The following ZNF292 variants were observed in gnomAD, a reference collection of about 807,000 sequenced individuals.
The protein encoded by ZNF292 is 16 zinc-finger domain protein.
A neutral mutation model predicts 217.9 loss-of-function variants in ZNF292; 26 were observed. That is an observed-to-expected ratio of 0.12 (90% CI 0.09 to 0.17). ZNF292 has a LOEUF of 0.17. Among genes scored for constraint, ZNF292 ranks in the 10% least tolerant of loss-of-function variants. The probability of loss-of-function intolerance (pLI) is 1.00; values close to 1 mark genes in which losing one functional copy is unlikely to be tolerated. For missense variants in ZNF292, 2,904 were observed against 3,175.2 expected (o/e 0.91, Z 2.05); for synonymous variants, 1,257 against 1,124.1 (o/e 1.12, Z -2.37).
chr6:87,201,601 TC>T lies in ZNF292; in HGVS notation c.169-14300del, dbSNP rs564351298. ...TGTATTTTAGTAGAGACGAGGTTTC[TC>T]CATGTTGGTCAGGCTGGTCTTGAAC... On this transcript the variant is annotated intron_variant, in intron 1 of 7. Coordinates refer to ENST00000369577, the MANE Select transcript of ZNF292 (RefSeq NM_015021.3). Among the ~76,000 whole-genome samples, 574 of 152,162 alleles carry T rather than the reference TC, an allele frequency of 3.8e-3. 2 individuals carry two copies. The highest frequency in any genetic ancestry group is 0.02 in the Middle Eastern group (6 of 294).
intron 6 of ZNF292, among the ~76,000 whole-genome samples, chr6:87,243,955 G>T (rs1774438829): frequency 6.6e-6 from 1 of 152,132 alleles, no homozygotes. Context: ...TACATTTTCA[G>T]TTGGGCATAG....
Position 87,256,336 on chromosome 6 carries a change from G to A in ZNF292, c.2707G>A (p.Asp903Asn), listed in dbSNP as rs1446413158. 6 of 1,612,446 alleles carry A rather than the reference G, an allele frequency of 3.7e-6. No homozygotes were observed. Among genetic ancestry groups the A allele is most frequent in the Admixed American group, 1.7e-5 (1 of 59,984 alleles). ...SKAESAVTKQ[D>N]QISASELRQA... ...AGCAGAATCAGCTGTGACCAAACAA[G>A]ACCAGATTTCTGCCTCTGAGCTCAG... Residue 903 changes from aspartate to asparagine, a missense_variant, in exon 8 of 8, where the codon GAC (aspartate) becomes AAC (asparagine). Transcript: ENST00000369577.
chr6:87,157,237 G>T (rs1770572641), intron 1 of ZNF292, among the ~76,000 whole-genome samples: 1 of 152,192 alleles, frequency 6.6e-6, no homozygotes, highest in South Asian at 2.1e-4. Flanking sequence ...CAATGTGAAA[G>T]CTCCCTACTT....
chr6:87,185,112 C>G (rs756050787), intron 1 of ZNF292, among the ~76,000 whole-genome samples: 6 of 152,138 alleles, frequency 3.9e-5, no homozygotes, highest in Non-Finnish European at 8.8e-5. Context: ...AAATTAAGTC[C>G]ATAAGTCTAC....
At chr6:87,172,201 T>C (rs1771122451) in intron 1 of ZNF292, among the ~76,000 whole-genome samples, 1 of 152,202 alleles carries the variant, frequency 6.6e-6, no homozygotes, top group Non-Finnish European at 1.5e-5. Flanking sequence ...TGAACAGCTG[T>C]TTTTCTCTTT....
At chr6:87,225,997 C>T (rs1341731151) in intron 4 of ZNF292, among the ~76,000 whole-genome samples, 1 of 152,134 alleles carries the variant, frequency 6.6e-6, no homozygotes, top group Non-Finnish European at 1.5e-5. Context: ...GTGTCTGACA[C>T]TCATGGTGCA....
intron 1 of ZNF292, among the ~76,000 whole-genome samples, chr6:87,183,807 C>T (rs1239642373): frequency 6.6e-6 from 1 of 152,124 alleles, no homozygotes; most frequent in Non-Finnish European, 1.5e-5. Context: ...AAATACATAT[C>T]ACTATGGTTG....
chr6:87,252,433 C>G (rs1030753426), intron 7 of ZNF292, among the ~76,000 whole-genome samples: 5 of 152,064 alleles, frequency 3.3e-5, no homozygotes, highest in Non-Finnish European at 7.4e-5. Context: ...GATTAACAGG[C>G]GTGAGCCACC....
intron 1 of ZNF292, among the ~76,000 whole-genome samples, chr6:87,177,293 C>G (rs1208603423): frequency 6.6e-6 from 1 of 151,208 alleles, no homozygotes; most frequent in Non-Finnish European, 1.5e-5. Flanking sequence ...CACCACTGTA[C>G]TCCAGCCTGG....
chr6:87,255,101 A>T lies in ZNF292; in HGVS notation c.1472A>T (p.Glu491Val). 6.2e-7 allele frequency: 1 copy of T among 1,613,684 alleles called. No homozygotes were observed. Among genetic ancestry groups the T allele is most frequent in the East Asian group, 2.2e-5 (1 of 44,872 alleles). Residue 491 changes from glutamate to valine, a missense_variant, in exon 8 of 8, where the codon GAA (glutamate) becomes GTA (valine). Physicochemically the swap from Glu to Val is moderately radical, Grantham distance 121. Coordinates refer to ENST00000369577, the MANE Select transcript of ZNF292 (RefSeq NM_015021.3). ...GTAGACTACCAAGAAGAGAGTAAAG[A>T]AACTTCTATGAATGGGCTTTCTGGT... ...KVVDYQEESK[E>V]TSMNGLSGGV...
intron 1 of ZNF292, among the ~76,000 whole-genome samples, chr6:87,156,584 C>T (rs975587572): frequency 6.6e-6 from 1 of 152,218 alleles, no homozygotes; most frequent in African/African-American, 2.4e-5. Context: ...CCGATCACCC[C>T]CTCACCCCTG....
chr6:87,240,995 T>C (rs73485820), intron 5 of ZNF292, among the ~76,000 whole-genome samples: 12,456 of 152,216 alleles, frequency 0.082, 867 homozygotes, highest in African/African-American at 0.19. Context: ...AAAAGAAGTA[T>C]TAGCATTGGC....
At chr6:87,191,354 G>C (rs1329928111) in intron 1 of ZNF292, among the ~76,000 whole-genome samples, 1 of 152,072 alleles carries the variant, frequency 6.6e-6, no homozygotes, top group Non-Finnish European at 1.5e-5. Flanking sequence ...GCCACATTCA[G>C]AGTCATCCTA....
chr6:87,252,404 C>T (rs1316693251), intron 7 of ZNF292, among the ~76,000 whole-genome samples: 1 of 152,148 alleles, frequency 6.6e-6, no homozygotes, highest in East Asian at 1.9e-4. Context: ...CCACCTGCCT[C>T]AGCCTCCCAA....
chr6:87,222,479 T>C (rs1191244415), intron 4 of ZNF292, among the ~76,000 whole-genome samples: 1 of 152,182 alleles, frequency 6.6e-6, no homozygotes, highest in African/African-American at 2.4e-5. Context: ...TCCTTGTTTT[T>C]GACAAATGTT....
rs1219727160 is a variant in ZNF292, at chr6:87,254,952, C to T, written c.1323C>T (p.Pro441=). 1 of 1,613,790 alleles carries T rather than the reference C, an allele frequency of 6.2e-7. No homozygotes were observed. The highest frequency in any genetic ancestry group is 8.5e-7 in the Non-Finnish European group (1 of 1,179,848). Residue 441 remains proline, a synonymous_variant, in exon 8 of 8, where the codon CCC becomes CCT. Coordinates refer to ENST00000369577, the MANE Select transcript of ZNF292 (RefSeq NM_015021.3). ...TACTTGTATTGAAAACTCAATGGCC[C>T]TTTGATCCAGAATTCTGGGATTGGA... ...ELLLVLKTQW[P]FDPEFWDWKT...
chr6:87,230,652 T>C (rs1171931535), intron 4 of ZNF292, among the ~76,000 whole-genome samples: 1 of 151,170 alleles, frequency 6.6e-6, no homozygotes, highest in Non-Finnish European at 1.5e-5. Flanking sequence ...GAGAATGGCA[T>C]GAACCCGGGA....
chr6:87,256,605 A>G lies in ZNF292; in HGVS notation c.2976A>G (p.Gln992=). The change falls in exon 8 of 8, where the codon CAA becomes CAG. Residue 992 remains glutamine (Q), a synonymous_variant. Coordinates refer to ENST00000369577, the MANE Select transcript of ZNF292 (RefSeq NM_015021.3). ...CAGGTTTCCAGGAGAGAAAAGAACA[A>G]GATTGCTTTAATGATGCCCATGTTA... is the stretch of plus-strand genomic sequence containing the variant. ...CHPGFQERKE[Q]DCFNDAHVTQ... is the part of the protein sequence containing the mutation. 1.2e-6 allele frequency: 2 copies of G among 1,613,676 alleles called. No individual in the cohort carries two copies. The highest frequency in any genetic ancestry group is 1.7e-6 in the Non-Finnish European group (2 of 1,179,836).
At chr6:87,253,309 G>C (rs9444488) in intron 7 of ZNF292, among the ~76,000 whole-genome samples, 2 of 147,286 alleles carry the variant, frequency 1.4e-5, no homozygotes, top group African/African-American at 2.6e-5. Context: ...GCTCACTGCA[G>C]CCTCAGCCTT....
Sources: allele counts gnomAD v4.1 joint callset (sites outside exome capture counted in the v4.1 genomes callset), GRCh38; gene constraint gnomAD v4.1.1; transcripts MANE v1.5; gene names NCBI Gene and HGNC (gene_info 2026-07-23, HGNC 2026-07-21).